The following FAM53C variants were observed in gnomAD, a reference collection of about 807,000 sequenced individuals.
The protein encoded by FAM53C is protein FAM53C.
In FAM53C, 10 loss-of-function variants were observed where a neutral mutation model predicts 34.7. The observed-to-expected ratio is 0.29, with a 90% CI of 0.18 to 0.49. The LOEUF is 0.49. FAM53C is among the 20% of genes least tolerant of loss of function. The probability of loss-of-function intolerance (pLI) is 0.99; values close to 1 mark genes in which losing one functional copy is unlikely to be tolerated. For synonymous variants in FAM53C, 203 were observed against 203.6 expected (o/e 1.00, Z 0.03); for missense variants, 442 against 515.3 (o/e 0.86, Z 1.38).
upstream of FAM53C, chr5:138,338,258 G>C: frequency 9.7e-7 from 1 of 1,034,588 alleles, no homozygotes; most frequent in Admixed American, 2.3e-5. Context: ...GGGGCGAACC[G>C]AGCGCTCAGA....
rs770155203 is a variant in FAM53C, at chr5:138,341,320, A to T, written c.-16A>T. 1.2e-6 allele frequency: 2 copies of T among 1,612,644 alleles called. No individual in the cohort carries two copies. Among genetic ancestry groups the T allele is most frequent in the South Asian group, 1.1e-5 (1 of 91,062 alleles). On this transcript the variant is annotated 5_prime_UTR_variant, in exon 2 of 5. Transcript: ENST00000239906. The stretch of plus-strand genomic sequence containing the variant: ...CATTTGCTCCAAAGTGTGCAAGTCA[A>T]ATCCTGGGGAGAATCATGATAACCC...
At chr5:138,338,589 ACCCC>A (rs60039274) in intron 1 of FAM53C, among the ~76,000 whole-genome samples, 1 of 126,968 alleles carries the variant, frequency 7.9e-6, no homozygotes, top group Non-Finnish European at 1.7e-5. Context: ...GCCCTGGCGC[ACCCC>A]CCCCCCCGCC....
rs568895882 is a variant in FAM53C at position 138,345,955 on chromosome 5, C to G, written c.921+346C>G. ...CAAAAAATTCCATCAGTACCTACTC[C>G]TTGTGCCCAAAGCTGTTTTTGCCAC... is the stretch of plus-strand genomic sequence containing the variant. On this transcript the variant is annotated intron_variant, in intron 4 of 4. Coordinates refer to ENST00000239906, the MANE Select transcript of FAM53C (RefSeq NM_016605.3). The surrounding 1 kb of genome is among the most constrained non-coding windows in gnomAD (Gnocchi z 6.3). 6.6e-6 allele frequency among the ~76,000 whole-genome samples: 1 copy of G among 152,348 alleles called. No individual in the cohort carries two copies. The highest frequency in any genetic ancestry group is 1.9e-4 in the East Asian group (1 of 5,190).
chr5:138,348,595 C>T lies in FAM53C; in HGVS notation c.*1636C>T, dbSNP rs1214248007. 2 of 152,224 alleles carry T rather than the reference C, an allele frequency of 1.3e-5. No homozygotes were observed. Among genetic ancestry groups the T allele is most frequent in the Non-Finnish European group, 2.9e-5 (2 of 68,040 alleles). 9.4% of individuals were successfully genotyped at this position (152,224 alleles called of 1,614,324 possible). On this transcript the variant is annotated 3_prime_UTR_variant, in exon 5 of 5. Transcript: ENST00000239906. Reference sequence around the variant, plus strand: ...CTCATGGAATTGAACCTGACATTTTCTGGATCTCCTGCATGTCAGGAGCAT... The same window carrying T: ...CTCATGGAATTGAACCTGACATTTTTTGGATCTCCTGCATGTCAGGAGCAT...
rs1315748151 is a variant in FAM53C, at chr5:138,344,366, G to A, written c.137-459G>A. Among the ~76,000 whole-genome samples the A allele has an allele frequency of 3.3e-5, 5 of 152,358 alleles. No individual in the cohort carries two copies. In the East Asian group the frequency reaches 9.6e-4, roughly 29 times the overall value. On this transcript the variant is annotated intron_variant, in intron 3 of 4. Coordinates refer to ENST00000239906, the MANE Select transcript of FAM53C (RefSeq NM_016605.3). ...TGGTGCTGTTGACACATGAGAGGAGGAAAGGCCGAGAAAGAAGAGCATAGG... is the reference window on the plus strand; with the variant it reads ...TGGTGCTGTTGACACATGAGAGGAGAAAAGGCCGAGAAAGAAGAGCATAGG...
rs1270135210 is a variant in FAM53C, at chr5:138,346,602, T to C, written c.922-100T>C. The C allele has an allele frequency of 1.4e-5, 20 of 1,465,574 alleles. 1 individual carries two copies. In the East Asian group the frequency reaches 2.1e-4, roughly 15 times the overall value. The allele number at this position is 1,465,574 out of a possible 1,614,324, so 90.8% of individuals were successfully genotyped here. On this transcript the variant is annotated intron_variant, in intron 4 of 4. Transcript: ENST00000239906. ...TCACGCCACTGCACTCCAGCCAGGG[T>C]GACAGAGTGAGACTCCGTCTCAAAA...
At position 138,341,251 on chromosome 5, in the gene FAM53C, G is replaced by A. The variant is rs761864071; in HGVS notation, c.-85G>A. 1.7e-5 allele frequency: 19 copies of A among 1,128,454 alleles called. No individual in the cohort carries two copies. The highest frequency in any genetic ancestry group is 3.4e-5 in the Admixed American group (2 of 59,276). 69.9% of individuals were successfully genotyped at this position (1,128,454 alleles called of 1,614,324 possible). ...GAATGGTGCTGCAGTGGCAGAAGAC[G>A]GCTCACAAGTGAGGTCTGGAAGAAC... On this transcript the variant is annotated 5_prime_UTR_variant, in exon 2 of 5. Transcript: ENST00000239906.
rs764995636 is a variant in FAM53C at position 138,346,680 on chromosome 5, GTCT to G, written c.922-17_922-15del. ...AGAATTCTTGCCTTCAGGTGTAACT[GTCT>G]TCTTTGTTTGTTTGACAGAAACCAT... On this transcript the variant is annotated intron_variant, in intron 4 of 4. Coordinates refer to ENST00000239906, the MANE Select transcript of FAM53C (RefSeq NM_016605.3). 21 of 1,613,672 alleles carry G rather than the reference GTCT, an allele frequency of 1.3e-5. No homozygotes were observed. The highest frequency in any genetic ancestry group is 5.3e-5 in the African/African-American group (4 of 74,902).
upstream of FAM53C, chr5:138,338,037 G>C (rs1760837665): frequency 7.8e-7 from 1 of 1,289,568 alleles, no homozygotes; most frequent in Non-Finnish European, 1.0e-6. Context: ...ATTTTGGAGG[G>C]GGTGACTCGT....
chr5:138,338,632 A>C (rs1490063703), intron 1 of FAM53C, among the ~76,000 whole-genome samples: 22 of 44,984 alleles, frequency 4.9e-4, no homozygotes, highest in African/African-American at 1.0e-3. Flanking sequence ...CCCATGCCCC[A>C]CCCCGCGGGG....
upstream of FAM53C, chr5:138,338,102 G>C (rs772612748): frequency 2.3e-6 from 3 of 1,289,846 alleles, no homozygotes; most frequent in South Asian, 1.2e-5. Flanking sequence ...GTTCCCAACA[G>C]CGCTGTCCGA....
chr5:138,344,971 G>C lies in FAM53C; in HGVS notation c.283G>C (p.Val95Leu). 1 of 1,613,984 alleles carries C rather than the reference G, an allele frequency of 6.2e-7. No individual in the cohort carries two copies. The highest frequency in any genetic ancestry group is 8.5e-7 in the Non-Finnish European group (1 of 1,179,978). ...NSPKEQPFSQ[V>L]LRPEPPDPEK... Reference sequence around the variant, plus strand: ...CCCCAAGGAGCAGCCCTTCTCCCAAGTCCTAAGACCTGAGCCCCCAGATCC... The same window carrying C: ...CCCCAAGGAGCAGCCCTTCTCCCAACTCCTAAGACCTGAGCCCCCAGATCC... Residue 95 changes from valine to leucine, a missense_variant, in exon 4 of 5, where the codon GTC becomes CTC. Val to Leu is a conservative substitution (Grantham distance 32). Coordinates refer to ENST00000239906, the MANE Select transcript of FAM53C (RefSeq NM_016605.3).
Position 138,341,423 on chromosome 5 carries a change from C to A in FAM53C, c.78+10C>A, listed in dbSNP as rs1328448603. 6.2e-7 allele frequency: 1 copy of A among 1,611,930 alleles called. No homozygotes were observed. Among genetic ancestry groups the A allele is most frequent in the East Asian group, 2.2e-5 (1 of 44,882 alleles). On this transcript the variant is annotated intron_variant, in intron 2 of 4. Coordinates refer to ENST00000239906, the MANE Select transcript of FAM53C (RefSeq NM_016605.3). ...CTTCAGCATCAGTCTGGTAAAAGAC[C>A]AGTCTTCCTGCTTCTCCACGACCCC...
Position 138,345,555 on chromosome 5 carries a change from C to T in FAM53C, c.867C>T (p.His289=), listed in dbSNP as rs541723960. ...GCAAAACTGGGGTCAAGCGGCGCCA[C>T]GAGGAAGACCCCCGGCGTCTGCGGC... is the stretch of plus-strand genomic sequence containing the variant. ...DARKTGVKRR[H]EEDPRRLRPS... Residue 289 remains histidine (H), a synonymous_variant, in exon 4 of 5, where the codon CAC becomes CAT. Transcript: ENST00000239906. This position sits in a 1 kb window ranked among gnomAD's most constrained non-coding sequence, Gnocchi z 6.3. 2.1e-5 allele frequency: 34 copies of T among 1,613,754 alleles called. No homozygotes were observed. The South Asian group carries it at 3.0e-4, about 14-fold the overall frequency.
At position 138,345,063 on chromosome 5, in the gene FAM53C, G is replaced by C; in HGVS notation, c.375G>C (p.Val125=). The C allele has an allele frequency of 6.2e-7, 1 of 1,613,978 alleles. No homozygotes were observed. The highest frequency in any genetic ancestry group is 8.5e-7 in the Non-Finnish European group (1 of 1,179,892). The change falls in exon 4 of 5, where the codon GTG becomes GTC. Residue 125 remains valine, a synonymous_variant. Transcript: ENST00000239906. This position sits in a 1 kb window ranked among gnomAD's most constrained non-coding sequence, Gnocchi z 6.3. ...ACTGCCGCTCACTCTCAGTGCCCGT[G>C]GACCTGTCTCGCTGGCAGCCGGTGT... ...KRHCRSLSVP[V]DLSRWQPVWR... is the part of the protein sequence containing the mutation.
Position 138,349,157 on chromosome 5 carries a change from A to G in FAM53C, c.*2198A>G, listed in dbSNP as rs1208044771. On this transcript the variant is annotated 3_prime_UTR_variant, in exon 5 of 5. Transcript: ENST00000239906. ...ATCTAAGAACCTGTGGCCCTGGAAC[A>G]CTTTTCAAGAATTGGTTCATTTTGC... 6.6e-6 allele frequency: 1 copy of G among 152,582 alleles called. No individual in the cohort carries two copies. 9.5% of individuals were successfully genotyped at this position (152,582 alleles called of 1,614,324 possible).
chr5:138,343,444 A>C (rs960686200), intron 3 of FAM53C, among the ~76,000 whole-genome samples: 15 of 151,028 alleles, frequency 9.9e-5, no homozygotes, highest in African/African-American at 3.7e-4. Flanking sequence ...CAGGAGGCGG[A>C]GGTTGCAGTG....
intron 1 of FAM53C, among the ~76,000 whole-genome samples, chr5:138,339,213 G>A (rs575229165): frequency 2.8e-4 from 43 of 152,316 alleles, no homozygotes; most frequent in Non-Finnish European, 5.7e-4. Flanking sequence ...GGGGAAGGAA[G>A]GCGGCAAGAG....
intron 1 of FAM53C, 68 bp from the exon 2 acceptor site, chr5:138,341,116 A>T (rs1405777302): frequency 1.5e-6 from 1 of 655,228 alleles, no homozygotes; most frequent in African/African-American, 1.8e-5. Flanking sequence ...TATGTGTGCC[A>T]TGCATTTTCC....
Sources: gnomAD v4.1 joint callset for allele counts (sites outside exome capture counted in the v4.1 genomes callset) on GRCh38, gnomAD v4.1.1 for gene constraint, Gnocchi (gnomAD v3.1) non-coding constraint, MANE v1.5 for transcripts, NCBI Gene and HGNC (gene_info 2026-07-23, HGNC 2026-07-21) for gene names.